MAGIX: variants seen among roughly 807,000 people sequenced by gnomAD.
The protein encoded by MAGIX is PDZ domain-containing protein MAGIX.
MAGIX carries 13 observed loss-of-function variants against 10.0 expected under a neutral mutation model. That is an observed-to-expected ratio of 1.30 (90% CI 0.84 to 2.06). MAGIX has a LOEUF of 2.06. Among genes scored for constraint, MAGIX ranks in the 30% most tolerant of loss-of-function variants. MAGIX has a pLI of 0.00. For synonymous variants in MAGIX, 108 were observed against 106.8 expected, an observed-to-expected ratio of 1.01 and a Z score of -0.07; for missense variants, 235 against 245.2, an observed-to-expected ratio of 0.96 and a Z score of 0.28.
rs2065345389 is a variant in MAGIX, at chrX:49,163,767, C to T, written c.-201-16C>T. ...AGGCCGAGGGTCGGCGTTGACCTGT[C>T]CCCTCTTGCGCGCAGGCCGCGGCCC... On this transcript the variant is annotated splice_polypyrimidine_tract_variant and intron_variant, in intron 1 of 4. Coordinates refer to ENST00000616266, the Ensembl canonical transcript of MAGIX. The T allele has an allele frequency of 1.9e-6, 2 of 1,040,454 alleles. No individual in the cohort carries two copies. Among genetic ancestry groups the T allele is most frequent in the Admixed American group, 9.5e-5 (2 of 21,141 alleles). 85.7% of individuals were successfully genotyped at this position (1,040,454 alleles called of 1,213,427 possible). A position where few individuals can be genotyped will look rare whatever the true frequency, so the allele number is the denominator to read the frequency against.
At chrX:49,166,506 TC>T in exon 5 of MAGIX, 1 of 652,721 alleles carries the variant, frequency 1.5e-6, no homozygotes, top group Non-Finnish European at 2.2e-6. Flanking sequence ...CTTGGTTTGG[TC>T]CCCCCACCCG....
intron 2 of MAGIX, 158 bp from the exon 3 acceptor site, chrX:49,164,549 T>G (rs1256593216): frequency 3.9e-6 from 2 of 513,586 alleles, no homozygotes; most frequent in Admixed American, 2.9e-5. Context: ...CCTTTAAGAT[T>G]ACTTGAGGGG....
At chrX:49,164,938 C>G (rs1406852347) in exon 3 of MAGIX, 1 of 1,212,367 alleles carries the variant, frequency 8.2e-7, no homozygotes, top group African/African-American at 1.7e-5. Context: ...GAAGCCATCC[C>G]AGGCCTCTGG....
intron 4 of MAGIX, chrX:49,165,798 G>C (rs2065362233): frequency 2.7e-6 from 1 of 364,833 alleles, no homozygotes. Context: ...GGATGAGAGA[G>C]GAGAGAGCAG....
chrX:49,167,439 A>T (rs1381462530), exon 5 of MAGIX: 1 of 113,100 alleles, frequency 8.8e-6, no homozygotes, highest in Non-Finnish European at 1.9e-5. Flanking sequence ...CATCCTGAGC[A>T]CTCGGCCCCA....
chrX:49,165,056 A>C, exon 3 of MAGIX: 1 of 1,209,089 alleles, frequency 8.3e-7, no homozygotes. Flanking sequence ...GGGCTGCTGA[A>C]GGATGGCCCA....
In MAGIX at chrX:49,166,054, C is replaced by G. The variant is rs1160075853; in HGVS notation, c.503-20C>G. On this transcript the variant is annotated intron_variant, in intron 4 of 4. Transcript: ENST00000616266. The stretch of plus-strand genomic sequence containing the variant: ...GCCTGGATTTCCCTTCCCTACTTCA[C>G]CACCCAATCTAATCCGTAGTCCCGT... The G allele has an allele frequency of 4.2e-6, 5 of 1,196,573 alleles. No individual in the cohort carries two copies. Among genetic ancestry groups the G allele is most frequent in the Non-Finnish European group, 4.5e-6 (4 of 884,962 alleles).
chrX:49,165,150 C>T (rs182456662), intron 3 of MAGIX, 40 bp from the exon 5 acceptor site: 1 of 1,201,269 alleles, frequency 8.3e-7, no homozygotes, highest in African/African-American at 1.7e-5. Flanking sequence ...GGGGTGCTCT[C>T]CTTTTGCCTT....
chrX:49,165,468 G>T, intron 4 of MAGIX, 107 bp downstream of exon 5: 1 of 771,654 alleles, frequency 1.3e-6, no homozygotes, highest in Non-Finnish European at 1.8e-6. Context: ...GGTCTCTGTG[G>T]GGAGGGTCTG....
downstream of MAGIX, chrX:49,168,613 C>T (rs1450191073): frequency 3.8e-5 from 4 of 105,974 alleles, no homozygotes; most frequent in Non-Finnish European, 1.9e-5. Context: ...CTTGTCTCTA[C>T]AAAAAGTTTA....
At chrX:49,168,124 T>C (rs981391085) in exon 5 of MAGIX, 1 of 111,929 alleles carries the variant, frequency 8.9e-6, no homozygotes, top group Non-Finnish European at 1.9e-5. Context: ...GTGTAGCTGA[T>C]GTATGTAATG....
exon 2 of MAGIX, chrX:49,163,910 G>A: frequency 9.8e-7 from 1 of 1,020,783 alleles, no homozygotes; most frequent in Non-Finnish European, 1.2e-6. Flanking sequence ...GCGCCACATT[G>A]CGCCTGCGCC....
intron 2 of MAGIX, 69 bp downstream of exon 2, chrX:49,163,998 CT>C (rs1282896567): frequency 7.4e-6 from 7 of 949,479 alleles, no homozygotes; most frequent in Non-Finnish European, 9.4e-6. Context: ...TGGGACAGGC[CT>C]GGGGGGTCAG....
At chrX:49,164,566 C>T in intron 2 of MAGIX, 141 bp from the exon 3 acceptor site, 1 of 543,556 alleles carries the variant, frequency 1.8e-6, no homozygotes, top group Non-Finnish European at 3.2e-6. Context: ...GGGGATGGTG[C>T]GTAAATGGTG....
exon 5 of MAGIX, chrX:49,166,400 GCCT>G: frequency 8.9e-7 from 1 of 1,122,256 alleles, no homozygotes; most frequent in Non-Finnish European, 1.2e-6. Context: ...GAGACACTGA[GCCT>G]ACCTCTGACA....
Position 49,165,105 on chromosome X carries a change from C to T in MAGIX, c.330+15C>T, listed in dbSNP as rs781793811. 3.3e-6 allele frequency: 4 copies of T among 1,198,548 alleles called. No homozygotes were observed. Among genetic ancestry groups the T allele is most frequent in the Non-Finnish European group, 1.1e-6 (1 of 885,746 alleles). ...GTCGTTTGGAGGTGAGCCCTGAAGCCCCTTCCACTGGTAGGTGCTATCCCT... is the reference window on the plus strand; with the variant it reads ...GTCGTTTGGAGGTGAGCCCTGAAGCTCCTTCCACTGGTAGGTGCTATCCCT... On this transcript the variant is annotated intron_variant, in intron 3 of 4. Coordinates refer to ENST00000616266, the Ensembl canonical transcript of MAGIX.
exon 5 of MAGIX, chrX:49,166,271 A>G (rs1448244397): frequency 8.4e-7 from 1 of 1,195,450 alleles, no homozygotes; most frequent in African/African-American, 1.7e-5. Flanking sequence ...TGAGGATCCC[A>G]ACGACCAGAT....
chrX:49,164,982 A>T (rs782166610), exon 3 of MAGIX: 1 of 1,211,995 alleles, frequency 8.3e-7, no homozygotes, highest in Non-Finnish European at 1.1e-6. Flanking sequence ...GCGGTTACGC[A>T]GGCTTTGGCC....
At chrX:49,166,661 G>A in exon 5 of MAGIX, 1 of 344,239 alleles carries the variant, frequency 2.9e-6, no homozygotes, top group East Asian at 4.5e-5. Flanking sequence ...TCGAGGCGGG[G>A]TGGGGCTGCC....
Sources: allele counts gnomAD v4.1 joint callset, GRCh38; gene constraint gnomAD v4.1.1; transcripts MANE v1.5; gene names NCBI Gene and HGNC (gene_info 2026-07-23, HGNC 2026-07-21).